GXYLT2: variants seen among roughly 807,000 people sequenced by gnomAD.
GXYLT2 encodes the protein glycosyltransferase 8 domain containing 4.
Under a neutral mutation model 45.8 loss-of-function variants are expected in GXYLT2, and 53 were observed. The observed-to-expected ratio is 1.16, with a 90% CI of 0.93 to 1.46. GXYLT2 has a LOEUF of 1.46. Among genes scored for constraint, GXYLT2 ranks in the 40% most tolerant of loss-of-function variants. The pLI is 0.00. For missense variants in GXYLT2, 551 were observed against 544.4 expected (o/e 1.01, Z -0.12); for synonymous variants, 219 against 214.2 (o/e 1.02, Z -0.19).
At chr3:72,916,324 A>G (rs1709742510) in intron 2 of GXYLT2, among the ~76,000 whole-genome samples, 1 of 151,650 alleles carries the variant, frequency 6.6e-6, no homozygotes, top group Middle Eastern at 3.4e-3. Flanking sequence ...GAAAAAAAAA[A>G]AAGAAAAGAA....
intron 3 of GXYLT2, among the ~76,000 whole-genome samples, chr3:72,933,915 A>G (rs1710127186): frequency 6.6e-6 from 1 of 152,050 alleles, no homozygotes; most frequent in Admixed American, 6.6e-5. Context: ...AAAATTAAGA[A>G]TAATAATAAT....
chr3:72,951,450 A>G (rs1045865474), intron 3 of GXYLT2, among the ~76,000 whole-genome samples: 2 of 152,216 alleles, frequency 1.3e-5, no homozygotes, highest in Non-Finnish European at 2.9e-5. Flanking sequence ...CTATTTATTG[A>G]GTACTTACTA....
chr3:72,960,456 G>A (rs1710746772), intron 5 of GXYLT2, among the ~76,000 whole-genome samples: 2 of 152,174 alleles, frequency 1.3e-5, no homozygotes, highest in Admixed American at 1.3e-4. Context: ...CTTTAACTGG[G>A]GCTGAAACCA....
At chr3:72,925,592 A>C (rs899932381) in intron 3 of GXYLT2, among the ~76,000 whole-genome samples, 1 of 152,160 alleles carries the variant, frequency 6.6e-6, no homozygotes, top group African/African-American at 2.4e-5. Context: ...GAGGTGAGAG[A>C]AAATGTTAGG....
intron 3 of GXYLT2, among the ~76,000 whole-genome samples, chr3:72,934,080 CTT>C (rs375690427): frequency 0.5 from 59,989 of 120,774 alleles, 14,198 homozygotes; most frequent in Admixed American, 0.57. Context: ...TAATTTTATT[CTT>C]TTTTTTTTTT....
At chr3:72,918,885 C>T (rs1327438916) in intron 2 of GXYLT2, among the ~76,000 whole-genome samples, 6 of 152,076 alleles carry the variant, frequency 3.9e-5, no homozygotes, top group Admixed American at 3.9e-4. Context: ...AAAAGATGTT[C>T]AGTGTCATAT....
At chr3:72,966,969 A>G (rs115144850) in intron 5 of GXYLT2, among the ~76,000 whole-genome samples, 6,374 of 152,088 alleles carry the variant, frequency 0.042, 436 homozygotes, top group African/African-American at 0.15. Context: ...GGGTCTTGCT[A>G]TGTTGCCCAA....
chr3:72,934,931 G>A (rs1376056890), intron 3 of GXYLT2, among the ~76,000 whole-genome samples: 2 of 152,134 alleles, frequency 1.3e-5, no homozygotes, highest in South Asian at 4.1e-4. Context: ...CCCCATTAGA[G>A]TGGCCCACAG....
intron 3 of GXYLT2, among the ~76,000 whole-genome samples, chr3:72,953,857 G>T (rs1212241236): frequency 2.6e-5 from 4 of 152,292 alleles, no homozygotes; most frequent in South Asian, 2.1e-4. Flanking sequence ...ACTTTGGGAG[G>T]CCAGGGTGGG....
At chr3:72,915,309 G>C (rs17010257) in intron 2 of GXYLT2, among the ~76,000 whole-genome samples, 1 of 139,674 alleles carries the variant, frequency 7.2e-6, no homozygotes. Context: ...TTTAGAGGAC[G>C]GGGACCATGC....
chr3:72,971,271 A>G (rs1255019381), intron 6 of GXYLT2, among the ~76,000 whole-genome samples: 1 of 152,134 alleles, frequency 6.6e-6, no homozygotes, highest in East Asian at 1.9e-4. Flanking sequence ...ACACTCCATG[A>G]TTTTCCTCAG....
intron 6 of GXYLT2, among the ~76,000 whole-genome samples, chr3:72,969,994 G>A (rs1278926469): frequency 6.6e-6 from 1 of 150,876 alleles, no homozygotes; most frequent in African/African-American, 2.4e-5. Flanking sequence ...AGAAGTGAGA[G>A]GATTGCTTGA....
At chr3:72,961,782 C>G (rs1233805324) in intron 5 of GXYLT2, among the ~76,000 whole-genome samples, 1 of 152,026 alleles carries the variant, frequency 6.6e-6, no homozygotes, top group Non-Finnish European at 1.5e-5. Context: ...GCATTTTCCT[C>G]TCTCAAACGT....
intron 3 of GXYLT2, among the ~76,000 whole-genome samples, chr3:72,925,352 C>A (rs1709899011): frequency 6.6e-6 from 1 of 151,996 alleles, no homozygotes; most frequent in Non-Finnish European, 1.5e-5. Flanking sequence ...GACAGGGTTT[C>A]ACCATGTTGG....
intron 2 of GXYLT2, among the ~76,000 whole-genome samples, chr3:72,909,791 A>T (rs904548061): frequency 2.0e-5 from 3 of 152,182 alleles, no homozygotes; most frequent in African/African-American, 7.2e-5. Flanking sequence ...TAAGTTCTCA[A>T]ATGGTGGCAG....
At chr3:72,952,651 T>G (rs1313938488) in intron 3 of GXYLT2, among the ~76,000 whole-genome samples, 1 of 152,056 alleles carries the variant, frequency 6.6e-6, no homozygotes, top group African/African-American at 2.4e-5. Flanking sequence ...CATGGTCAGG[T>G]TGTGGTGATG....
intron 1 of GXYLT2, among the ~76,000 whole-genome samples, chr3:72,900,183 A>G (rs1018849017): frequency 1.3e-5 from 2 of 152,218 alleles, no homozygotes; most frequent in African/African-American, 4.8e-5. Context: ...GTATTTCATT[A>G]TTTATACACT....
intron 3 of GXYLT2, among the ~76,000 whole-genome samples, chr3:72,945,149 G>T (rs1271843356): frequency 6.6e-6 from 1 of 151,554 alleles, no homozygotes; most frequent in Non-Finnish European, 1.5e-5. Flanking sequence ...TCAGCCGGGT[G>T]TGGTGGCAGG....
intron 5 of GXYLT2, among the ~76,000 whole-genome samples, chr3:72,962,067 C>G (rs955370920): frequency 1.1e-4 from 16 of 152,128 alleles, no homozygotes; most frequent in Non-Finnish European, 2.2e-4. Context: ...TTCAATGGCT[C>G]CAGGAGGGCC....
Sources: gnomAD v4.1 joint callset for allele counts (sites outside exome capture counted in the v4.1 genomes callset) on GRCh38, gnomAD v4.1.1 for gene constraint, MANE v1.5 for transcripts, NCBI Gene and HGNC (gene_info 2026-07-23, HGNC 2026-07-21) for gene names.